Variants in CRPPA observed in about 807,000 individuals in gnomAD.
CRPPA encodes CDP-L-ribitol pyrophosphorylase A, also known as D-ribitol-5-phosphate cytidylyltransferase.
Under a neutral mutation model 52.0 loss-of-function variants are expected in CRPPA, and 43 were observed. The observed-to-expected ratio is 0.83, with a 90% CI of 0.65 to 1.07. CRPPA has a LOEUF of 1.07. Among genes scored for constraint, CRPPA ranks in the 50% least tolerant of loss-of-function variants. The pLI, the probability that CRPPA is intolerant of heterozygous loss-of-function variation, is 0.00. For synonymous variants in CRPPA, 250 were observed against 203.5 expected, an observed-to-expected ratio of 1.23 and a Z score of -1.94; for missense variants, 629 against 551.7, an observed-to-expected ratio of 1.14 and a Z score of -1.40.
chr7:16,128,222 C>T (rs975900642), intron 9 of CRPPA, among the ~76,000 whole-genome samples: 13 of 151,956 alleles, frequency 8.6e-5, no homozygotes, highest in African/African-American at 1.2e-4. Flanking sequence ...CCATGGCACA[C>T]GTTTACCTAT....
chr7:16,280,934 C>T lies in CRPPA; in HGVS notation c.836-2708G>A, dbSNP rs186816227. Among the ~76,000 whole-genome samples, 780 of 152,166 alleles carry T rather than the reference C, an allele frequency of 5.1e-3. 7 individuals carry two copies. Among genetic ancestry groups the T allele is most frequent in the African/African-American group, 0.018 (732 of 41,516 alleles). ...ACGCAGGAGGCTGAGGCAGGAGAAT[C>T]GCTTGAACTCGGGAGGCAGAGGTTG... On this transcript the variant is annotated intron_variant, in intron 5 of 9. Transcript: ENST00000407010.
chr7:16,277,545 G>C (rs1164323223), intron 6 of CRPPA, among the ~76,000 whole-genome samples: 1 of 152,086 alleles, frequency 6.6e-6, no homozygotes, highest in Non-Finnish European at 1.5e-5. Flanking sequence ...GTGTGGCAAA[G>C]AAAATACTTG....
rs148433361 is a variant in CRPPA, at chr7:16,286,119, C to G, written c.836-7893G>C. Among the ~76,000 whole-genome samples, 145 of 58,148 alleles carry G rather than the reference C, an allele frequency of 2.5e-3. 4 individuals are homozygous for G. Among genetic ancestry groups the G allele is most frequent in the African/African-American group, 0.011 (137 of 12,554 alleles). The allele number at this position is 58,148 out of a possible 152,430, so 38.1% of individuals were successfully genotyped here. ...AAAAATATATATATATATATATATG[C>G]CAAAAAGAAACAATGTACAACTTAA... On this transcript the variant is annotated intron_variant, in intron 5 of 9. Transcript: ENST00000407010.
At chr7:16,369,497 T>C (rs1447815360) in intron 3 of CRPPA, among the ~76,000 whole-genome samples, 1 of 152,226 alleles carries the variant, frequency 6.6e-6, no homozygotes, top group African/African-American at 2.4e-5. Context: ...TGTTGTTTTT[T>C]CTTAAAACAG....
intron 1 of CRPPA, among the ~76,000 whole-genome samples, chr7:16,415,872 T>G (rs1788180754): frequency 6.6e-6 from 1 of 152,200 alleles, no homozygotes; most frequent in Non-Finnish European, 1.5e-5. Flanking sequence ...CATGTTTCCT[T>G]ACATTTCCCT....
rs905111367 is a variant in CRPPA at position 16,376,076 on chromosome 7, A to G, written c.684+16T>C. 8 of 1,554,670 alleles carry G rather than the reference A, an allele frequency of 5.1e-6. No homozygotes were observed. Among genetic ancestry groups the G allele is most frequent in the Non-Finnish European group, 7.0e-6 (8 of 1,150,800 alleles). On this transcript the variant is annotated intron_variant, in intron 3 of 9. Coordinates refer to ENST00000407010, the MANE Select transcript of CRPPA (RefSeq NM_001101426.4). ...CTGACATAACAGCAGCTTATTCAAA[A>G]AGCCCAAATTCTTACCTGCTGATAT...
At chr7:16,312,956 G>C (rs1785065180) in intron 3 of CRPPA, among the ~76,000 whole-genome samples, 1 of 151,842 alleles carries the variant, frequency 6.6e-6, no homozygotes, top group Non-Finnish European at 1.5e-5. Context: ...TTTGTACATT[G>C]TTGAATTCAG....
In CRPPA at chr7:16,342,794, T is replaced by TAGATAG. The variant is rs1350825073; in HGVS notation, c.684+33297_684+33298insCTATCT. Among the ~76,000 whole-genome samples the TAGATAG allele has an allele frequency of 2.4e-3, 149 of 62,754 alleles. 10 individuals carry two copies. Among genetic ancestry groups the TAGATAG allele is most frequent in the Admixed American group, 0.018 (107 of 6,032 alleles). 41.2% of individuals were successfully genotyped at this position (62,754 alleles called of 152,430 possible). ...AAAAAAAAAAAAAAATATATATATA[T>TAGATAG]ATATCTATATAGATATATAGATATA... On this transcript the variant is annotated intron_variant, in intron 3 of 9. Transcript: ENST00000407010.
In CRPPA at chr7:16,288,929, T is replaced by C. The variant is rs145911461; in HGVS notation, c.836-10703A>G. Among the ~76,000 whole-genome samples, 733 of 150,244 alleles carry C rather than the reference T, an allele frequency of 4.9e-3. 7 individuals are homozygous for C. The highest frequency in any genetic ancestry group is 0.017 in the African/African-American group (691 of 40,882). Reference sequence around the variant, plus strand: ...ATACAAAGATCAACAAAATGAAGTTTGGTTGTAAACCACCCAAAAATAATA... The same window carrying C: ...ATACAAAGATCAACAAAATGAAGTTCGGTTGTAAACCACCCAAAAATAATA... On this transcript the variant is annotated intron_variant, in intron 5 of 9. Coordinates refer to ENST00000407010, the MANE Select transcript of CRPPA (RefSeq NM_001101426.4).
chr7:16,357,108 C>T (rs1220399905), intron 3 of CRPPA, among the ~76,000 whole-genome samples: 2 of 152,152 alleles, frequency 1.3e-5, no homozygotes, highest in Non-Finnish European at 2.9e-5. Context: ...ATGGGTCCCT[C>T]AGGATATCGC....
intron 3 of CRPPA, among the ~76,000 whole-genome samples, chr7:16,309,535 A>G (rs569768306): frequency 6.6e-6 from 1 of 152,334 alleles, no homozygotes; most frequent in South Asian, 2.1e-4. Flanking sequence ...AAATTGAACA[A>G]GGAGGATTAT....
At chr7:16,385,592 G>C (rs539005557) in intron 2 of CRPPA, among the ~76,000 whole-genome samples, 1 of 152,278 alleles carries the variant, frequency 6.6e-6, no homozygotes, top group South Asian at 2.1e-4. Flanking sequence ...TTTGCTAACA[G>C]ATTCATCTTA....
chr7:16,388,545 G>C (rs1439678334), intron 2 of CRPPA, among the ~76,000 whole-genome samples: 1 of 151,964 alleles, frequency 6.6e-6, no homozygotes, highest in African/African-American at 2.4e-5. Flanking sequence ...TTAGAGAATA[G>C]AAAAAGAAAA....
chr7:16,368,672 G>A (rs2128310742), intron 3 of CRPPA, among the ~76,000 whole-genome samples: 1 of 152,208 alleles, frequency 6.6e-6, no homozygotes, highest in African/African-American at 2.4e-5. Context: ...ACAATTTCAT[G>A]ATCAAATTCT....
chr7:16,296,441 G>A (rs1784677133), intron 5 of CRPPA, among the ~76,000 whole-genome samples: 1 of 152,196 alleles, frequency 6.6e-6, no homozygotes. Context: ...AAATGTTCTT[G>A]CAAAACATGA....
intron 3 of CRPPA, among the ~76,000 whole-genome samples, chr7:16,367,072 T>C (rs1197343897): frequency 6.6e-6 from 1 of 152,094 alleles, no homozygotes; most frequent in Non-Finnish European, 1.5e-5. Context: ...TCCCTACTCA[T>C]TTCTCTTTAT....
At chr7:16,270,849 G>C (rs1458618032) in intron 6 of CRPPA, among the ~76,000 whole-genome samples, 1 of 152,068 alleles carries the variant, frequency 6.6e-6, no homozygotes, top group East Asian at 1.9e-4. Context: ...TGCTGCTGTG[G>C]CTTAATTTGC....
chr7:16,350,979 A>C (rs1461038805), intron 3 of CRPPA, among the ~76,000 whole-genome samples: 1 of 152,202 alleles, frequency 6.6e-6, no homozygotes, highest in Non-Finnish European at 1.5e-5. Context: ...ACATTAGGCC[A>C]AAAACTGTAA....
intron 5 of CRPPA, among the ~76,000 whole-genome samples, chr7:16,289,736 A>G (rs1243682066): frequency 6.6e-6 from 1 of 152,198 alleles, no homozygotes; most frequent in African/African-American, 2.4e-5. Flanking sequence ...CTGAATGGAG[A>G]AAAGCTGAAA....
Sources: gnomAD v4.1 joint callset for allele counts (sites outside exome capture counted in the v4.1 genomes callset) on GRCh38, gnomAD v4.1.1 for gene constraint, MANE v1.5 for transcripts, NCBI Gene and HGNC (gene_info 2026-07-23, HGNC 2026-07-21) for gene names.